NDST3: variants seen among roughly 807,000 people sequenced by gnomAD.
The protein encoded by NDST3 is bifunctional heparan sulfate N-deacetylase/N-sulfotransferase 3.
Under a neutral mutation model 96.1 loss-of-function variants are expected in NDST3, and 58 were observed. The observed-to-expected ratio is 0.60, with a 90% CI of 0.49 to 0.75. The LOEUF (loss-of-function observed/expected upper bound fraction) is 0.75, where lower values mean the gene tolerates loss of function less well. NDST3 is among the 30% of genes least tolerant of loss of function. The pLI is 0.00. For missense variants in NDST3, 788 were observed against 1,034.2 expected (o/e 0.76, Z 3.27); for synonymous variants, 333 against 359.7 (o/e 0.93, Z 0.84).
chr4:118,221,736 G>A (rs1440968026), intron 6 of NDST3, among the ~76,000 whole-genome samples: 3 of 151,906 alleles, frequency 2.0e-5, no homozygotes, highest in Non-Finnish European at 4.4e-5. Flanking sequence ...ATAACCATCT[G>A]GCTATACACA....
At chr4:118,175,270 TTAA>T (rs985207640) in intron 6 of NDST3, among the ~76,000 whole-genome samples, 16 of 152,174 alleles carry the variant, frequency 1.1e-4, no homozygotes, top group Non-Finnish European at 1.8e-4. Flanking sequence ...TGTAAAGCCA[TTAA>T]TTTTTTCTTC....
chr4:118,201,267 G>A (rs1560714292), intron 6 of NDST3, among the ~76,000 whole-genome samples: 3 of 152,196 alleles, frequency 2.0e-5, no homozygotes, highest in Non-Finnish European at 4.4e-5. Flanking sequence ...TGTCTTTTTG[G>A]TAGAATGATT....
chr4:118,045,187 A>T (rs1247093457), intron 1 of NDST3, among the ~76,000 whole-genome samples: 1 of 151,962 alleles, frequency 6.6e-6, no homozygotes, highest in Non-Finnish European at 1.5e-5. Flanking sequence ...TGCCTCTGTA[A>T]CATTCCCTCT....
chr4:118,102,447 C>A (rs1417269145), intron 2 of NDST3, among the ~76,000 whole-genome samples: 3 of 152,062 alleles, frequency 2.0e-5, no homozygotes. Context: ...TCGTGGAGCA[C>A]TGACTTAATT....
At chr4:118,152,137 C>A (rs1178403214) in intron 6 of NDST3, among the ~76,000 whole-genome samples, 1 of 152,026 alleles carries the variant, frequency 6.6e-6, no homozygotes, top group Non-Finnish European at 1.5e-5. Flanking sequence ...AAAGGAAATC[C>A]GAGTCCTCGT....
intron 6 of NDST3, among the ~76,000 whole-genome samples, chr4:118,143,902 A>G (rs1418110086): frequency 6.6e-6 from 1 of 152,206 alleles, no homozygotes; most frequent in Non-Finnish European, 1.5e-5. Flanking sequence ...GAACCAGGGA[A>G]GTGCTCCAGC....
At chr4:118,034,864 A>G (rs2110414141) in intron 1 of NDST3, among the ~76,000 whole-genome samples, 1 of 152,330 alleles carries the variant, frequency 6.6e-6, no homozygotes, top group South Asian at 2.1e-4. Context: ...ATATTCACCA[A>G]CTTATAATGA....
Position 118,114,881 on chromosome 4 carries a change from G to T in NDST3, c.1145G>T (p.Trp382Leu), listed in dbSNP as rs1187702900. ...GAGTTCTGGTGGTTTCCTCACATGTGGAGCCATATGCAGCCCCACCTCTTC... is the reference window on the plus strand; with the variant it reads ...GAGTTCTGGTGGTTTCCTCACATGTTGAGCCATATGCAGCCCCACCTCTTC... ...VDEFWWFPHM[W>L]SHMQPHLFHN... is the part of the protein sequence containing the mutation. The change falls in exon 4 of 14, where the codon TGG becomes TTG. Residue 382 changes from tryptophan (W) to leucine (L), a missense_variant. Trp to Leu is a moderately conservative substitution (Grantham distance 61, BLOSUM62 -2). This residue lies in a region of NDST3 where 490 missense variants were observed against 708.8 expected (regional missense o/e 0.69). Coordinates refer to ENST00000296499, the MANE Select transcript of NDST3 (RefSeq NM_004784.3). 3 of 1,613,954 alleles carry T rather than the reference G, an allele frequency of 1.9e-6. No individual in the cohort carries two copies. The African/African-American group carries it at 4.0e-5, about 22-fold the overall frequency.
intron 6 of NDST3, among the ~76,000 whole-genome samples, chr4:118,205,522 A>G (rs1738379114): frequency 6.9e-6 from 1 of 144,672 alleles, no homozygotes; most frequent in Non-Finnish European, 1.5e-5. Flanking sequence ...TCTACATTAG[A>G]TGGTTCCAGT....
intron 4 of NDST3, among the ~76,000 whole-genome samples, chr4:118,130,583 TAAGAG>T (rs1314452264): frequency 2.0e-5 from 3 of 152,108 alleles, no homozygotes; most frequent in Non-Finnish European, 2.9e-5. Context: ...CTACTTAAGA[TAAGAG>T]AAGTTTACAC....
At chr4:118,108,000 G>A (rs184766697) in intron 3 of NDST3, among the ~76,000 whole-genome samples, 40 of 152,246 alleles carry the variant, frequency 2.6e-4, no homozygotes, top group East Asian at 9.7e-4. Context: ...CAATCATGGC[G>A]GAAGATGAAG....
chr4:118,197,754 G>A (rs1166092586), intron 6 of NDST3, among the ~76,000 whole-genome samples: 3 of 148,122 alleles, frequency 2.0e-5, no homozygotes, highest in African/African-American at 7.4e-5. Flanking sequence ...TTTTTGGGGG[G>A]TTTTTTGGTG....
chr4:118,232,543 G>A (rs1740370853), intron 8 of NDST3, among the ~76,000 whole-genome samples: 1 of 151,782 alleles, frequency 6.6e-6, no homozygotes, highest in South Asian at 2.1e-4. Flanking sequence ...GGGAGGCTCA[G>A]ACAGGAGGAT....
chr4:118,229,112 A>C (rs676802), intron 8 of NDST3, among the ~76,000 whole-genome samples: 141,855 of 151,948 alleles, frequency 0.93, 67,022 homozygotes, highest in East Asian at 1. Context: ...ACCACCCTGA[A>C]CAATATGGTG....
intron 8 of NDST3, among the ~76,000 whole-genome samples, chr4:118,229,703 T>G (rs976384248): frequency 6.6e-6 from 1 of 152,214 alleles, no homozygotes; most frequent in African/African-American, 2.4e-5. Flanking sequence ...AAAGAATGTT[T>G]TCAGTTGATC....
intron 13 of NDST3, 52 bp downstream of exon 13, chr4:118,253,653 A>G (rs747786483): frequency 1.7e-6 from 2 of 1,198,878 alleles, no homozygotes; most frequent in African/African-American, 3.1e-5. Flanking sequence ...GGTAACCAAT[A>G]ATATCATCTA....
At chr4:118,205,936 C>A (rs946544201) in intron 6 of NDST3, among the ~76,000 whole-genome samples, 1 of 141,720 alleles carries the variant, frequency 7.1e-6, no homozygotes, top group Non-Finnish European at 1.6e-5. Flanking sequence ...AGGTTCACAC[C>A]CTTCTCCTGC....
chr4:118,185,551 GT>G (rs1200282623), intron 6 of NDST3, among the ~76,000 whole-genome samples: 1 of 151,910 alleles, frequency 6.6e-6, no homozygotes, highest in Non-Finnish European at 1.5e-5. Context: ...AAATTTAACA[GT>G]TTAATTGAGC....
intron 6 of NDST3, among the ~76,000 whole-genome samples, chr4:118,220,360 C>T (rs554942812): frequency 6.6e-6 from 1 of 151,978 alleles, no homozygotes; most frequent in African/African-American, 2.4e-5. Context: ...GAAGAGAAAA[C>T]CAAACACCGC....
Sources: gnomAD v4.1 joint callset for allele counts (sites outside exome capture counted in the v4.1 genomes callset) on GRCh38, gnomAD v4.1.1 for gene constraint, gnomAD v4.1.1 regional missense constraint, MANE v1.5 for transcripts, NCBI Gene and HGNC (gene_info 2026-07-23, HGNC 2026-07-21) for gene names.